DNAH9: variants seen among roughly 807,000 people sequenced by gnomAD.
DNAH9 encodes the protein dynein axonemal heavy chain 9, also known as DNAH9 variant protein.
Under a neutral mutation model 471.6 loss-of-function variants are expected in DNAH9, and 345 were observed. That is an observed-to-expected ratio of 0.73 (90% CI 0.67 to 0.80). DNAH9 has a LOEUF of 0.80. Among genes scored for constraint, DNAH9 ranks in the 30% least tolerant of loss-of-function variants. DNAH9 has a pLI of 0.00. For synonymous variants in DNAH9, 2,093 were observed against 2,123.6 expected (o/e 0.99, Z 0.40); for missense variants, 5,407 against 5,609.2 (o/e 0.96, Z 1.15).
chr17:11,963,874 G>T (rs1318946959), intron 68 of DNAH9, among the ~76,000 whole-genome samples: 1 of 152,156 alleles, frequency 6.6e-6, no homozygotes, highest in Non-Finnish European at 1.5e-5. Flanking sequence ...ACACAGAAGA[G>T]AATTCCCTAT....
intron 26 of DNAH9, among the ~76,000 whole-genome samples, chr17:11,718,283 A>G (rs1001214776): frequency 1.3e-5 from 2 of 152,232 alleles, no homozygotes; most frequent in African/African-American, 4.8e-5. Context: ...ATATTGCTGA[A>G]GAGTATTACA....
chr17:11,758,194 G>A (rs1461030337), intron 35 of DNAH9, among the ~76,000 whole-genome samples: 1 of 152,136 alleles, frequency 6.6e-6, no homozygotes, highest in East Asian at 1.9e-4. Flanking sequence ...GCTGGATATG[G>A]TGAGTTTACT....
intron 50 of DNAH9, among the ~76,000 whole-genome samples, chr17:11,863,748 G>A (rs925284390): frequency 4.7e-5 from 7 of 149,930 alleles, no homozygotes; most frequent in Admixed American, 4.0e-4. Context: ...GTTTAGTCTT[G>A]GGAGAGTGTA....
intron 2 of DNAH9, 121 bp downstream of exon 2, chr17:11,608,446 C>T: frequency 1.3e-6 from 1 of 780,680 alleles, no homozygotes; most frequent in Non-Finnish European, 2.0e-6. Context: ...TGCACACAAG[C>T]CTACTGTCTG....
At chr17:11,865,519 C>A (rs1016957100) in intron 50 of DNAH9, among the ~76,000 whole-genome samples, 1 of 151,320 alleles carries the variant, frequency 6.6e-6, no homozygotes, top group South Asian at 2.1e-4. Context: ...CTTCTCGAGG[C>A]GTATCTTTGT....
At position 11,669,351 on chromosome 17, in the gene DNAH9, C is replaced by T. The variant is rs376226129; in HGVS notation, c.2929-19C>T. The T allele has an allele frequency of 6.4e-5, 103 of 1,603,370 alleles. No individual in the cohort carries two copies. Among genetic ancestry groups the T allele is most frequent in the Middle Eastern group, 3.3e-4 (2 of 6,010 alleles). ...CCACACACTGGTGTAACCTGCCTGC[C>T]GTTGTCTCGCTTCCCCAGGTCGACC... On this transcript the variant is annotated intron_variant, in intron 16 of 68. Transcript: ENST00000262442.
intron 49 of DNAH9, among the ~76,000 whole-genome samples, chr17:11,836,066 C>T (rs1970841089): frequency 6.6e-6 from 1 of 152,212 alleles, no homozygotes; most frequent in South Asian, 2.1e-4. Context: ...TCCCTCCTTC[C>T]ATATTTCATG....
chr17:11,793,420 T>C (rs1969129220), intron 41 of DNAH9, 83 bp from the exon 42 acceptor site: 6 of 1,314,412 alleles, frequency 4.6e-6, no homozygotes, highest in South Asian at 1.4e-5. Flanking sequence ...CCAGGTTAGA[T>C]AAAATGCTCC....
chr17:11,731,797 C>T (rs1379603173), intron 28 of DNAH9, among the ~76,000 whole-genome samples: 1 of 152,032 alleles, frequency 6.6e-6, no homozygotes, highest in Non-Finnish European at 1.5e-5. Context: ...TCCAGTCTAT[C>T]ATTGTTGGAC....
intron 50 of DNAH9, among the ~76,000 whole-genome samples, chr17:11,860,117 AAAG>A (rs1199238581): frequency 6.6e-6 from 1 of 152,240 alleles, no homozygotes; most frequent in Admixed American, 6.5e-5. Flanking sequence ...CAAAGTTAAA[AAAG>A]CAATAATTCC....
chr17:11,614,482 C>T (rs2072701464), intron 4 of DNAH9, among the ~76,000 whole-genome samples: 1 of 152,152 alleles, frequency 6.6e-6, no homozygotes, highest in African/African-American at 2.4e-5. Flanking sequence ...GAAGGAAGAA[C>T]AAGGGCAATA....
At chr17:11,836,882 C>T (rs1015698291) in intron 49 of DNAH9, among the ~76,000 whole-genome samples, 3 of 152,328 alleles carry the variant, frequency 2.0e-5, no homozygotes, top group East Asian at 1.9e-4. Flanking sequence ...CCTAAGATGA[C>T]TATCGTTCAA....
chr17:11,854,788 C>T (rs1178959243), intron 50 of DNAH9, among the ~76,000 whole-genome samples: 1 of 152,182 alleles, frequency 6.6e-6, no homozygotes. Context: ...AACTATCTGC[C>T]TGTCTCACTT....
At chr17:11,871,902 C>T in intron 52 of DNAH9, 116 bp downstream of exon 52, 1 of 1,126,984 alleles carries the variant, frequency 8.9e-7, no homozygotes, top group Non-Finnish European at 1.3e-6. Context: ...CCCACCACCC[C>T]CTGAGCACCA....
chr17:11,799,304 AGTTATCC>A (rs1369548571), intron 43 of DNAH9, among the ~76,000 whole-genome samples: 1 of 133,894 alleles, frequency 7.5e-6, no homozygotes, highest in Non-Finnish European at 1.6e-5. Context: ...CCCCAGAAGT[AGTTATCC>A]GTTATCTCTC....
intron 51 of DNAH9, 55 bp downstream of exon 51, chr17:11,869,308 T>C: frequency 1.2e-6 from 2 of 1,600,366 alleles, no homozygotes; most frequent in East Asian, 2.2e-5. Context: ...GCTTGTCAAA[T>C]GCCGTGGAGG....
intron 60 of DNAH9, among the ~76,000 whole-genome samples, chr17:11,905,333 C>A (rs1192276928): frequency 6.6e-6 from 1 of 152,056 alleles, no homozygotes; most frequent in Admixed American, 6.5e-5. Context: ...TTTAACTTAC[C>A]AGCTTTCTGA....
intron 67 of DNAH9, 50 bp from the exon 68 acceptor site, chr17:11,961,817 A>T: frequency 6.5e-7 from 1 of 1,539,794 alleles, no homozygotes; most frequent in Non-Finnish European, 8.7e-7. Context: ...AGGTGTTTTC[A>T]GGGACTTCCC....
chr17:11,724,374 C>T (rs2075116567), intron 27 of DNAH9, among the ~76,000 whole-genome samples: 1 of 152,190 alleles, frequency 6.6e-6, no homozygotes, highest in African/African-American at 2.4e-5. Context: ...ATTCTACTGT[C>T]TACCTCCATG....
Sources: allele counts gnomAD v4.1 joint callset (sites outside exome capture counted in the v4.1 genomes callset), GRCh38; gene constraint gnomAD v4.1.1; transcripts MANE v1.5; gene names NCBI Gene and HGNC (gene_info 2026-07-23, HGNC 2026-07-21).